Variants in BCL9 observed in about 807,000 individuals in gnomAD.
BCL9 encodes B-cell CLL/lymphoma 9 protein.
Under a neutral mutation model 88.5 loss-of-function variants are expected in BCL9, and 25 were observed. That is an observed-to-expected ratio of 0.28 (90% confidence interval 0.21 to 0.39). The LOEUF (loss-of-function observed/expected upper bound fraction) is 0.39, where lower values mean the gene tolerates loss of function less well. Ranked by LOEUF, BCL9 falls within the 10% of genes least tolerant of loss-of-function variation. BCL9 has a pLI of 1.00. For synonymous variants in BCL9, 711 were observed against 673.3 expected, an observed-to-expected ratio of 1.06 and a Z score of -0.87; for missense variants, 1,817 against 1,877.8, an observed-to-expected ratio of 0.97 and a Z score of 0.60.
chr1:147,616,473 A>G lies in BCL9; in HGVS notation c.660+571A>G, dbSNP rs79751313. On this transcript the variant is annotated intron_variant, in intron 7 of 9. Transcript: ENST00000234739. Reference sequence around the variant, plus strand: ...AGCACCTGCTATAAACTCCATTAGAAAAAGCATACAGTGGCCGGGCGTGGT... The same window carrying G: ...AGCACCTGCTATAAACTCCATTAGAGAAAGCATACAGTGGCCGGGCGTGGT... 8.7e-3 allele frequency among the ~76,000 whole-genome samples: 1,327 copies of G among 152,342 alleles called. 14 individuals carry two copies. The highest frequency in any genetic ancestry group is 0.015 in the Non-Finnish European group (995 of 68,032).
intron 9 of BCL9, among the ~76,000 whole-genome samples, chr1:147,622,924 CACAGGATTTCAG>C (rs1658717937): frequency 6.6e-6 from 1 of 150,898 alleles, no homozygotes; most frequent in Non-Finnish European, 1.5e-5. Flanking sequence ...CACAAGCAGC[CACAGGATTTCAG>C]ACAGTGGAAA....
At position 147,624,630 on chromosome 1, in the gene BCL9, C is replaced by T; in HGVS notation, c.3952C>T (p.Pro1318Ser). ...PSMPGHNPMR[P>S]PAFLQQGMMG... is the part of the protein sequence containing the mutation. ...CATGCCAGGCCACAACCCCATGAGA[C>T]CACCAGCCTTTCTCCAACAAGGCAT... The change falls in exon 10 of 10, where the codon CCA becomes TCA. Residue 1318 changes from proline to serine, a missense_variant. This residue lies in a region of BCL9 where 589 missense variants were observed against 686.2 expected (regional missense o/e 0.86). Coordinates refer to ENST00000234739, the MANE Select transcript of BCL9 (RefSeq NM_004326.4). The surrounding 1 kb of genome is among the most constrained non-coding windows in gnomAD (Gnocchi z 4.4). The T allele has an allele frequency of 6.2e-7, 1 of 1,614,216 alleles. No homozygotes were observed. Among genetic ancestry groups the T allele is most frequent in the South Asian group, 1.1e-5 (1 of 91,090 alleles).
At chr1:147,553,623 C>T (rs1553195074) in intron 1 of BCL9, among the ~76,000 whole-genome samples, 1 of 152,166 alleles carries the variant, frequency 6.6e-6, no homozygotes, top group Non-Finnish European at 1.5e-5. Context: ...TTCTTGGCTT[C>T]ATTGGATTTG....
chr1:147,599,859 G>A (rs1657264145), intron 1 of BCL9, among the ~76,000 whole-genome samples: 1 of 151,046 alleles, frequency 6.6e-6, no homozygotes, highest in Non-Finnish European at 1.5e-5. Flanking sequence ...CGGCGGGTTG[G>A]TACCATCGCG....
At chr1:147,600,198 C>T (rs1289290861) in intron 1 of BCL9, 2 of 161,356 alleles carry the variant, frequency 1.2e-5, no homozygotes, top group African/African-American at 4.8e-5. Flanking sequence ...GGCGCCGCCG[C>T]CGCCGCTGCC....
chr1:147,620,168 T>C lies in BCL9; in HGVS notation c.2013T>C (p.Pro671=). 1 of 1,614,144 alleles carries C rather than the reference T, an allele frequency of 6.2e-7. No individual in the cohort carries two copies. Among genetic ancestry groups the C allele is most frequent in the South Asian group, 1.1e-5 (1 of 91,084 alleles). The change falls in exon 8 of 10, where the codon CCT becomes CCC. Residue 671 remains proline (P), a synonymous_variant. Transcript: ENST00000234739. ...CAGGCTCCCAGCGCCACATGGAGCCTGGGAATAACCCCATTTTCCCTCGAA... is the reference window on the plus strand; with the variant it reads ...CAGGCTCCCAGCGCCACATGGAGCCCGGGAATAACCCCATTTTCCCTCGAA... The part of the protein sequence containing the change: ...MIPGSQRHME[P]GNNPIFPRIP...
intron 1 of BCL9, among the ~76,000 whole-genome samples, chr1:147,549,166 A>G (rs587624237): frequency 2.6e-5 from 4 of 151,990 alleles, no homozygotes; most frequent in African/African-American, 9.6e-5. Flanking sequence ...TAGTAGAGAC[A>G]GAGTTTTGCC....
intron 1 of BCL9, among the ~76,000 whole-genome samples, chr1:147,550,073 C>T (rs1398910882): frequency 6.6e-6 from 1 of 152,064 alleles, no homozygotes; most frequent in African/African-American, 2.4e-5. Flanking sequence ...CTCAGAATTC[C>T]CTAATTTAGA....
Position 147,620,334 on chromosome 1 carries a change from G to A in BCL9, c.2179G>A (p.Gly727Arg). 1 of 1,614,214 alleles carries A rather than the reference G, an allele frequency of 6.2e-7. No homozygotes were observed. The highest frequency in any genetic ancestry group is 8.5e-7 in the Non-Finnish European group (1 of 1,180,026). The change falls in exon 8 of 10, where the codon GGA (glycine) becomes AGA (arginine). Residue 727 changes from glycine to arginine, a missense_variant. By Grantham distance (125) the Gly-to-Arg change is moderately radical. This residue lies in a region of BCL9 where 1,228 missense variants were observed against 1,191.6 expected (regional missense o/e 1.03). Transcript: ENST00000234739. The part of the protein sequence containing the change: ...KGDVNLNVNM[G>R]SNSQMIPQKM... ...AGATGTCAATCTAAATGTCAACATGGGATCCAACTCTCAGATGATACCTCA... is the reference window on the plus strand; with the variant it reads ...AGATGTCAATCTAAATGTCAACATGAGATCCAACTCTCAGATGATACCTCA...
At chr1:147,549,384 A>T (rs1553194579) in intron 1 of BCL9, among the ~76,000 whole-genome samples, 1 of 152,166 alleles carries the variant, frequency 6.6e-6, no homozygotes, top group Non-Finnish European at 1.5e-5. Context: ...ACGTCAAAGA[A>T]TCACAGATGA....
chr1:147,600,911 T>C (rs1454869955), intron 1 of BCL9, among the ~76,000 whole-genome samples: 1 of 152,158 alleles, frequency 6.6e-6, no homozygotes, highest in South Asian at 2.1e-4. Context: ...ATTTCCAAAG[T>C]GGAGCCTGAG....
At chr1:147,583,678 C>G (rs1656471154) in intron 1 of BCL9, among the ~76,000 whole-genome samples, 1 of 151,848 alleles carries the variant, frequency 6.6e-6, no homozygotes, top group South Asian at 2.1e-4. Context: ...TTTGGCCAGG[C>G]AAGGTGGCTC....
Position 147,620,582 on chromosome 1 carries a change from G to A in BCL9, c.2427G>A (p.Arg809=), listed in dbSNP as rs1164144086. ...GAGAACCAATTGGGCCCGACCAGAGGACTAACAGCCGGCTCAGTCATATGC... is the reference window on the plus strand; with the variant it reads ...GAGAACCAATTGGGCCCGACCAGAGAACTAACAGCCGGCTCAGTCATATGC... ...NLREPIGPDQ[R]TNSRLSHMPP... Residue 809 remains arginine (R), a synonymous_variant, in exon 8 of 10, where the codon AGG becomes AGA. Coordinates refer to ENST00000234739, the MANE Select transcript of BCL9 (RefSeq NM_004326.4). 2 of 1,614,020 alleles carry A rather than the reference G, an allele frequency of 1.2e-6. No homozygotes were observed. The highest frequency in any genetic ancestry group is 1.3e-5 in the African/African-American group (1 of 74,896).
At chr1:147,556,830 A>G (rs781979344) in intron 1 of BCL9, among the ~76,000 whole-genome samples, 1 of 152,136 alleles carries the variant, frequency 6.6e-6, no homozygotes, top group South Asian at 2.1e-4. Context: ...GCTCAATATG[A>G]CATCTGTTTC....
chr1:147,602,028 G>GA (rs1266746814), intron 1 of BCL9, among the ~76,000 whole-genome samples: 16 of 151,220 alleles, frequency 1.1e-4, no homozygotes, highest in Admixed American at 9.9e-4. Flanking sequence ...AGCCTCCCAA[G>GA]TAGCTGGGAT....
intron 4 of BCL9, 102 bp from the exon 5 acceptor site, chr1:147,612,781 C>T: frequency 8.4e-7 from 1 of 1,197,124 alleles, no homozygotes; most frequent in Non-Finnish European, 1.2e-6. Context: ...TTATTTTAGT[C>T]CTAAGGGTCT....
Position 147,545,328 on chromosome 1 carries a change from T to C in BCL9, c.-478+3654T>C, listed in dbSNP as rs894673007. On this transcript the variant is annotated intron_variant, in intron 1 of 9. Transcript: ENST00000234739. ...AAGTCTTTGATCACTTCCGACATACTCTCCCCCACCCCAAGTGTGTTACTC... is the reference window on the plus strand; with the variant it reads ...AAGTCTTTGATCACTTCCGACATACCCTCCCCCACCCCAAGTGTGTTACTC... 5.3e-5 allele frequency among the ~76,000 whole-genome samples: 8 copies of C among 151,942 alleles called. No individual in the cohort carries two copies. The East Asian group carries it at 5.8e-4, about 11-fold the overall frequency.
chr1:147,559,723 C>T (rs1402706853), intron 1 of BCL9, among the ~76,000 whole-genome samples: 11 of 152,240 alleles, frequency 7.2e-5, no homozygotes, highest in Non-Finnish European at 1.3e-4. Flanking sequence ...CTTCCTTCCT[C>T]CTTCAGAGAA....
intron 3 of BCL9, among the ~76,000 whole-genome samples, chr1:147,607,494 G>A (rs1335102428): frequency 1.3e-5 from 2 of 152,124 alleles, no homozygotes; most frequent in African/African-American, 4.8e-5. Context: ...CACATAAATT[G>A]CATATGTAAT....
Sources: gnomAD v4.1 joint callset for allele counts (sites outside exome capture counted in the v4.1 genomes callset) on GRCh38, gnomAD v4.1.1 for gene constraint, gnomAD v4.1.1 regional missense constraint, Gnocchi (gnomAD v3.1) non-coding constraint, MANE v1.5 for transcripts, NCBI Gene and HGNC (gene_info 2026-07-23, HGNC 2026-07-21) for gene names.